Variants in IGF1R observed in about 807,000 individuals in gnomAD.
The protein encoded by IGF1R is insulin-like growth factor 1 receptor.
In IGF1R, 44 loss-of-function variants were observed where a neutral mutation model predicts 144.6. That is an observed-to-expected ratio of 0.30 (90% confidence interval 0.24 to 0.39). IGF1R has a LOEUF of 0.39. IGF1R is among the 10% of genes least tolerant of loss of function. The pLI is 1.00. For missense variants in IGF1R, 1,355 were observed against 1,833.7 expected, an observed-to-expected ratio of 0.74 and a Z score of 4.77; for synonymous variants, 795 against 722.8, an observed-to-expected ratio of 1.10 and a Z score of -1.60.
At position 98,747,181 on chromosome 15, in the gene IGF1R, A is replaced by G. The variant is rs28479329; in HGVS notation, c.640+39074A>G. 5.9e-3 allele frequency among the ~76,000 whole-genome samples: 735 copies of G among 124,644 alleles called. 8 individuals are homozygous for G. The highest frequency in any genetic ancestry group is 0.019 in the African/African-American group (687 of 36,192). 81.8% of individuals were successfully genotyped at this position (124,644 alleles called of 152,430 possible). ...TTCATTTATACACTTACACTATTCA[A>G]TTTGTCGTTGTTGTTGTTGTTGTTG... On this transcript the variant is annotated intron_variant, in intron 2 of 20. Coordinates refer to ENST00000650285, the MANE Select transcript of IGF1R (RefSeq NM_000875.5).
chr15:98,911,538 G>T, intron 7 of IGF1R, 97 bp downstream of exon 7: 1 of 1,510,296 alleles, frequency 6.6e-7, no homozygotes, highest in Non-Finnish European at 9.1e-7. Flanking sequence ...GAATACAGGG[G>T]GTCAGCAGAG....
At chr15:98,825,823 T>G (rs1245656191) in intron 2 of IGF1R, among the ~76,000 whole-genome samples, 1 of 152,226 alleles carries the variant, frequency 6.6e-6, no homozygotes, top group African/African-American at 2.4e-5. Flanking sequence ...ACAAGCATCC[T>G]ATTTTTTTTC....
intron 2 of IGF1R, among the ~76,000 whole-genome samples, chr15:98,751,871 G>A (rs531123957): frequency 6.6e-6 from 1 of 152,308 alleles, no homozygotes; most frequent in South Asian, 2.1e-4. Flanking sequence ...GATATATGCT[G>A]TGGTTTGTGT....
chr15:98,736,705 G>A (rs147857785), intron 2 of IGF1R, among the ~76,000 whole-genome samples: 6,278 of 150,230 alleles, frequency 0.042, 135 homozygotes, highest in East Asian at 0.051. Flanking sequence ...TCTGCCTCCC[G>A]GGTTCAAGCA....
At chr15:98,696,667 G>C (rs1030136928) in intron 1 of IGF1R, among the ~76,000 whole-genome samples, 18 of 152,180 alleles carry the variant, frequency 1.2e-4, no homozygotes, top group African/African-American at 4.1e-4. Flanking sequence ...GCAGATAAGA[G>C]AATGTTACTA....
intron 20 of IGF1R, among the ~76,000 whole-genome samples, chr15:98,950,494 T>G (rs1370606740): frequency 1.3e-5 from 2 of 152,102 alleles, no homozygotes; most frequent in Non-Finnish European, 2.9e-5. Flanking sequence ...AGGACTGAGG[T>G]CCCCATATTC....
intron 19 of IGF1R, among the ~76,000 whole-genome samples, chr15:98,948,025 C>T (rs533493423): frequency 4.9e-4 from 74 of 152,300 alleles, no homozygotes; most frequent in African/African-American, 1.8e-3. Context: ...AAAACCTCCC[C>T]AGGAGATTCT....
chr15:98,708,577 G>T (rs1038203734), intron 2 of IGF1R, among the ~76,000 whole-genome samples: 1 of 152,172 alleles, frequency 6.6e-6, no homozygotes, highest in Non-Finnish European at 1.5e-5. Flanking sequence ...TTGGAATATG[G>T]TTAAATAAAG....
chr15:98,861,008 ATTT>A (rs552092086), intron 2 of IGF1R, among the ~76,000 whole-genome samples: 5 of 150,506 alleles, frequency 3.3e-5, no homozygotes, highest in Admixed American at 2.6e-4. Context: ...CCTTTGCATG[ATTT>A]TTTTTTCTTT....
intron 2 of IGF1R, among the ~76,000 whole-genome samples, chr15:98,885,052 G>T (rs1289419059): frequency 6.6e-6 from 1 of 152,052 alleles, no homozygotes; most frequent in Non-Finnish European, 1.5e-5. Flanking sequence ...GCATCCCTAT[G>T]CACCTGCTAG....
chr15:98,956,386 C>T (rs781611909), intron 20 of IGF1R, among the ~76,000 whole-genome samples: 1 of 152,228 alleles, frequency 6.6e-6, no homozygotes. Context: ...CGGGGCCTCT[C>T]GTTTGGTCCA....
intron 2 of IGF1R, among the ~76,000 whole-genome samples, chr15:98,888,700 G>C (rs978626228): frequency 6.6e-6 from 1 of 152,196 alleles, no homozygotes; most frequent in African/African-American, 2.4e-5. Context: ...AAATGGACAG[G>C]AATGGGTTTC....
At chr15:98,811,224 C>G (rs1274109164) in intron 2 of IGF1R, among the ~76,000 whole-genome samples, 1 of 151,908 alleles carries the variant, frequency 6.6e-6, no homozygotes, top group South Asian at 2.1e-4. Context: ...TCACTTGAAC[C>G]CAGGAGTTGG....
intron 1 of IGF1R, among the ~76,000 whole-genome samples, chr15:98,658,292 C>T (rs1470656111): frequency 2.6e-5 from 4 of 152,162 alleles, no homozygotes; most frequent in East Asian, 1.9e-4. Flanking sequence ...CAGAAAGTGC[C>T]GCTTAAGAAC....
Position 98,755,718 on chromosome 15 carries a change from C to CAAAAAAAAAAAAAAAAAAAA in IGF1R, c.640+47627_640+47646dup, listed in dbSNP as rs56121011. On this transcript the variant is annotated intron_variant, in intron 2 of 20. Coordinates refer to ENST00000650285, the MANE Select transcript of IGF1R (RefSeq NM_000875.5). ...TGAATGACAGAGCAAAACTCCATTG[C>CAAAAAAAAAAAAAAAAAAAA]AAAAAAAAAAAAAAAAAAAAAAAAA... Among the ~76,000 whole-genome samples the CAAAAAAAAAAAAAAAAAAAA allele has an allele frequency of 8.7e-5, 3 of 34,502 alleles. 1 individual carries two copies. The highest frequency in any genetic ancestry group is 4.7e-4 in the African/African-American group (3 of 6,448). The allele number at this position is 34,502 out of a possible 152,430, so 22.6% of individuals were successfully genotyped here.
chr15:98,755,741 AAAAAAAAAAAAAG>A, intron 2 of IGF1R, among the ~76,000 whole-genome samples: 1 of 127,596 alleles, frequency 7.8e-6, no homozygotes, highest in Admixed American at 7.8e-5. Context: ...AAAAAAAAAA[AAAAAAAAAAAAAG>A]GCATTACTGC....
chr15:98,886,738 A>G (rs1424804130), intron 2 of IGF1R, among the ~76,000 whole-genome samples: 1 of 152,156 alleles, frequency 6.6e-6, no homozygotes, highest in East Asian at 1.9e-4. Flanking sequence ...TTTTCAAGAA[A>G]TCCCTTAATG....
At chr15:98,837,100 T>TC (rs1451686340) in intron 2 of IGF1R, among the ~76,000 whole-genome samples, 1 of 152,238 alleles carries the variant, frequency 6.6e-6, no homozygotes, top group Admixed American at 6.5e-5. Flanking sequence ...TCTTTTCTTT[T>TC]TTCTTTTTTT....
intron 2 of IGF1R, among the ~76,000 whole-genome samples, chr15:98,720,056 A>T (rs2054211455): frequency 6.6e-6 from 1 of 152,192 alleles, no homozygotes; most frequent in Non-Finnish European, 1.5e-5. Flanking sequence ...GAGCTTGGTT[A>T]TACATAGTGC....
Sources: gnomAD v4.1 joint callset for allele counts (sites outside exome capture counted in the v4.1 genomes callset) on GRCh38, gnomAD v4.1.1 for gene constraint, MANE v1.5 for transcripts, NCBI Gene and HGNC (gene_info 2026-07-23, HGNC 2026-07-21) for gene names.